RFC3: variants seen among roughly 807,000 people sequenced by gnomAD.
RFC3 encodes replication factor C subunit 3.
Under a neutral mutation model 45.1 loss-of-function variants are expected in RFC3, and 41 were observed. The ratio of observed to expected loss-of-function variants is 0.91; its 90% CI spans 0.71 to 1.18. The LOEUF (loss-of-function observed/expected upper bound fraction) is 1.18. RFC3 is among the 50% of genes most tolerant of loss of function. The pLI, the probability that RFC3 is intolerant of heterozygous loss-of-function variation, is 0.00. For missense variants in RFC3, 423 were observed against 428.1 expected, an observed-to-expected ratio of 0.99 and a Z score of 0.10; for synonymous variants, 149 against 144.0, an observed-to-expected ratio of 1.03 and a Z score of -0.25.
chr13:33,859,445 G>A (rs1185581169), intron 8 of RFC3, among the ~76,000 whole-genome samples: 1 of 152,126 alleles, frequency 6.6e-6, no homozygotes, highest in African/African-American at 2.4e-5. Context: ...TTGAAGGATT[G>A]TAAATAATAT....
chr13:33,976,482 A>G, the RFC3 span, among the ~76,000 whole-genome samples: 11 of 152,148 alleles, frequency 7.2e-5, no homozygotes, highest in Non-Finnish European at 1.6e-4. Context: ...TAGATAGAAG[A>G]AACAAATTCT....
intron 8 of RFC3, among the ~76,000 whole-genome samples, chr13:33,879,907 T>G (rs2082471901): frequency 6.6e-6 from 1 of 152,238 alleles, no homozygotes; most frequent in African/African-American, 2.4e-5. Context: ...TCTGGGCTCA[T>G]GGCCCCTTCC....
Position 33,830,730 on chromosome 13 carries a change from G to C in RFC3, c.585G>C (p.Val195=). ...AATTTTATTTGTAGATTTGCCACGT[G>C]TTATCTACTGTGTGTAAGAAGGAAG... The part of the protein sequence containing the change: ...PAPSIEDICH[V]LSTVCKKEGL... Residue 195 remains valine (V), a synonymous_variant, in exon 6 of 9, where the codon GTG becomes GTC. Transcript: ENST00000380071. The C allele has an allele frequency of 6.2e-7, 1 of 1,607,048 alleles. No individual in the cohort carries two copies. The highest frequency in any genetic ancestry group is 8.5e-7 in the Non-Finnish European group (1 of 1,177,696).
chr13:33,878,147 A>G (rs979495598), intron 8 of RFC3, among the ~76,000 whole-genome samples: 1 of 152,140 alleles, frequency 6.6e-6, no homozygotes, highest in Admixed American at 6.6e-5. Flanking sequence ...TATTTTTATT[A>G]TTGTTCTGTA....
At chr13:33,923,732 C>G (rs1278311145) in intron 8 of RFC3, among the ~76,000 whole-genome samples, 1 of 152,092 alleles carries the variant, frequency 6.6e-6, no homozygotes, top group Non-Finnish European at 1.5e-5. Context: ...ATAGCTGGCT[C>G]TATCACTCCT....
rs1593632123 is a variant in RFC3 at position 33,845,383 on chromosome 13, C to T, written c.879+10166C>T. On this transcript the variant is annotated intron_variant, in intron 8 of 8. Coordinates refer to the RFC3 transcript ENST00000434425. ...CTTTCTACCTCTATATCTCTCTCTACCTTTTCTTTAAGGCCAGTAACTCTT... is the reference window on the plus strand; with the variant it reads ...CTTTCTACCTCTATATCTCTCTCTATCTTTTCTTTAAGGCCAGTAACTCTT... Among the ~76,000 whole-genome samples the T allele has an allele frequency of 2.0e-5, 3 of 152,094 alleles. No homozygotes were observed. In the South Asian group the frequency reaches 6.2e-4, roughly 31 times the overall value.
At chr13:33,897,753 A>G (rs1390755350) in intron 8 of RFC3, among the ~76,000 whole-genome samples, 1 of 152,108 alleles carries the variant, frequency 6.6e-6, no homozygotes, top group Non-Finnish European at 1.5e-5. Context: ...AACCAAAAAA[A>G]GGCAGAAGTA....
chr13:33,939,957 CTA>C (rs2082912986), intron 8 of RFC3, among the ~76,000 whole-genome samples: 1 of 152,080 alleles, frequency 6.6e-6, no homozygotes, highest in Non-Finnish European at 1.5e-5. Context: ...TATGTTCACT[CTA>C]TTTTTTTCTG....
chr13:33,943,651 G>C (rs1258870090), intron 8 of RFC3, among the ~76,000 whole-genome samples: 3 of 152,112 alleles, frequency 2.0e-5, no homozygotes, highest in Non-Finnish European at 2.9e-5. Context: ...GTTGGATGGG[G>C]CTGAAATTCC....
intron 8 of RFC3, among the ~76,000 whole-genome samples, chr13:33,888,230 G>A (rs930789581): frequency 6.6e-6 from 1 of 152,140 alleles, no homozygotes; most frequent in Non-Finnish European, 1.5e-5. Flanking sequence ...TTCTTCCACT[G>A]GCATGCAAGT....
At chr13:33,931,983 T>TTG (rs376686065) in intron 8 of RFC3, among the ~76,000 whole-genome samples, 2 of 151,994 alleles carry the variant, frequency 1.3e-5, no homozygotes, top group African/African-American at 4.8e-5. Context: ...TTCTCGTATG[T>TTG]TGTGTGTGTG....
intron 8 of RFC3, among the ~76,000 whole-genome samples, chr13:33,890,809 G>A (rs2082558793): frequency 6.6e-6 from 1 of 152,144 alleles, no homozygotes. Context: ...ACAGCTTGTA[G>A]GTGGGCCAGC....
intron 8 of RFC3, among the ~76,000 whole-genome samples, chr13:33,924,361 C>T (rs1449555098): frequency 6.6e-6 from 1 of 151,924 alleles, no homozygotes; most frequent in African/African-American, 2.4e-5. Context: ...TCAGGGTTGG[C>T]AAACTATGCC....
chr13:33,835,456 A>G (rs759896530), intron 8 of RFC3: 1 of 679,174 alleles, frequency 1.5e-6, no homozygotes, highest in African/African-American at 1.7e-5. Flanking sequence ...GAACAAATAA[A>G]GAAGAGAATT....
chr13:33,916,201 T>A (rs1055339895), intron 8 of RFC3, among the ~76,000 whole-genome samples: 14 of 152,196 alleles, frequency 9.2e-5, no homozygotes, highest in African/African-American at 3.4e-4. Context: ...TGCCTGCCAT[T>A]TGCATGTTGT....
At chr13:33,947,100 C>T (rs977941709) in intron 8 of RFC3, among the ~76,000 whole-genome samples, 1 of 152,188 alleles carries the variant, frequency 6.6e-6, no homozygotes, top group Admixed American at 6.5e-5. Flanking sequence ...TATAATGCAA[C>T]ATACATGTTG....
chr13:33,964,444 A>G, intron 8 of RFC3, among the ~76,000 whole-genome samples: 1 of 152,290 alleles, frequency 6.6e-6, no homozygotes, highest in Non-Finnish European at 1.5e-5. Flanking sequence ...TGGATCCCCA[A>G]ATCATTCTGT....
At chr13:33,940,423 T>C (rs753136191) in intron 8 of RFC3, among the ~76,000 whole-genome samples, 2 of 152,234 alleles carry the variant, frequency 1.3e-5, no homozygotes, top group Non-Finnish European at 2.9e-5. Flanking sequence ...GTTTTGGTTC[T>C]TCAAAAATTT....
chr13:33,972,269 C>T, the RFC3 span, among the ~76,000 whole-genome samples: 1 of 152,126 alleles, frequency 6.6e-6, no homozygotes, highest in African/African-American at 2.4e-5. Context: ...TTTATTACAG[C>T]CCCTTCTTGG....
Sources: gnomAD v4.1 joint callset for allele counts (sites outside exome capture counted in the v4.1 genomes callset) on GRCh38, gnomAD v4.1.1 for gene constraint, MANE v1.5 for transcripts, NCBI Gene and HGNC (gene_info 2026-07-23, HGNC 2026-07-21) for gene names.